The following ECT2 variants were observed in gnomAD, a reference collection of about 807,000 sequenced individuals.
ECT2 encodes protein ECT2.
A neutral mutation model predicts 116.9 loss-of-function variants in ECT2; 61 were observed. That is an observed-to-expected ratio of 0.52 (90% CI 0.42 to 0.65). The LOEUF (loss-of-function observed/expected upper bound fraction) is 0.65. ECT2 is among the 30% of genes least tolerant of loss of function. The pLI, the probability that ECT2 is intolerant of heterozygous loss-of-function variation, is 0.00. For missense variants in ECT2, 937 were observed against 1,078.7 expected (o/e 0.87, Z 1.84); for synonymous variants, 358 against 346.4 (o/e 1.03, Z -0.37).
intron 15 of ECT2, among the ~76,000 whole-genome samples, chr3:172,782,685 C>G (rs1722914569): frequency 6.6e-6 from 1 of 152,144 alleles, no homozygotes; most frequent in Non-Finnish European, 1.5e-5. Flanking sequence ...CCTCTCCTTC[C>G]TCCTACCCTC....
At chr3:172,775,301 A>G (rs1172289418) in intron 14 of ECT2, among the ~76,000 whole-genome samples, 1 of 152,232 alleles carries the variant, frequency 6.6e-6, no homozygotes, top group East Asian at 1.9e-4. Context: ...GTTTTCAAAT[A>G]TATAAGATTG....
Position 172,786,537 on chromosome 3 carries a change from T to G in ECT2, c.1870T>G (p.Leu624Val), listed in dbSNP as rs1559983337. The G allele has an allele frequency of 6.2e-7, 1 of 1,611,214 alleles. No homozygotes were observed. The highest frequency in any genetic ancestry group is 8.5e-7 in the Non-Finnish European group (1 of 1,178,216). ...TADENPDKST[L>V]EKAIGSLKEV... ...TGATGAAAATCCAGACAAAAGCACTTTAGAAAAAGCTATTGGATCACTGAA... is the reference window on the plus strand; with the variant it reads ...TGATGAAAATCCAGACAAAAGCACTGTAGAAAAAGCTATTGGATCACTGAA... The change falls in exon 18 of 25, where the codon TTA (leucine) becomes GTA (valine). Residue 624 changes from leucine to valine, a missense_variant. By Grantham distance (32) the Leu-to-Val change is conservative (BLOSUM62 1). Transcript: ENST00000392692.
At chr3:172,780,742 A>T (rs995249337) in intron 14 of ECT2, among the ~76,000 whole-genome samples, 1 of 152,152 alleles carries the variant, frequency 6.6e-6, no homozygotes, top group Admixed American at 6.5e-5. Flanking sequence ...CTTAAATTAT[A>T]ACCATCCTAG....
At chr3:172,822,607 A>G (rs1443455638), downstream of ECT2, among the ~76,000 whole-genome samples, 1 of 152,014 alleles carries the variant, frequency 6.6e-6, no homozygotes, top group African/African-American at 2.4e-5. Context: ...TGAGGAGAGT[A>G]AAGAGATGAA....
chr3:172,806,126 T>G, intron 21 of ECT2: 1 of 291,384 alleles, frequency 3.4e-6, no homozygotes, highest in East Asian at 5.9e-5. Context: ...AGCTTTTAAA[T>G]GGCTATGTAT....
intron 24 of ECT2, chr3:172,818,601 T>C (rs1730175123): frequency 7.8e-7 from 1 of 1,288,060 alleles, no homozygotes; most frequent in African/African-American, 1.5e-5. Context: ...AGCATGTTTA[T>C]GTTCAGCGCC....
intron 22 of ECT2, among the ~76,000 whole-genome samples, chr3:172,808,620 A>G (rs1207189670): frequency 1.3e-5 from 2 of 152,194 alleles, no homozygotes; most frequent in Non-Finnish European, 2.9e-5. Context: ...CTCTCTATAT[A>G]TGAGAGAGAC....
At chr3:172,767,416 G>C (rs1387770391) in intron 12 of ECT2, among the ~76,000 whole-genome samples, 1 of 152,106 alleles carries the variant, frequency 6.6e-6, no homozygotes, top group East Asian at 1.9e-4. Flanking sequence ...ACTCCAGCCT[G>C]GGGGACAGAG....
chr3:172,754,574 G>A lies in ECT2; in HGVS notation c.44G>A (p.Ser15Asn). The A allele has an allele frequency of 6.2e-7, 1 of 1,611,768 alleles. No homozygotes were observed. The highest frequency in any genetic ancestry group is 8.5e-7 in the Non-Finnish European group (1 of 1,178,810). The change falls in exon 2 of 25, where the codon AGC becomes AAC. Residue 15 changes from serine (S) to asparagine (N), a missense_variant. Transcript: ENST00000392692. ...SVLTSTTGRT[S>N]LADSSIFDSK... is the part of the protein sequence containing the mutation. Reference sequence around the variant, plus strand: ...TTAACATCCACTACTGGGAGGACTAGCTTGGCAGACTCTTCCATTTTTGAT... The same window carrying A: ...TTAACATCCACTACTGGGAGGACTAACTTGGCAGACTCTTCCATTTTTGAT...
chr3:172,757,032 G>T lies in ECT2; in HGVS notation c.353G>T (p.Gly118Val). The T allele has an allele frequency of 1.2e-6, 2 of 1,610,672 alleles. No individual in the cohort carries two copies. The highest frequency in any genetic ancestry group is 2.2e-5 in the South Asian group (2 of 90,322). The change falls in exon 5 of 25, where the codon GGT (glycine) becomes GTT (valine). Residue 118 changes from glycine (G) to valine (V), a missense_variant. By Grantham distance (109) the Gly-to-Val change is moderately radical. Coordinates refer to ENST00000392692, the MANE Select transcript of ECT2 (RefSeq NM_001258315.2). ...ATGGAGTCAGTGGAAGAATTTGAAGGTTTGGATTCTCCGGAATTTGAAAAT... is the reference window on the plus strand; with the variant it reads ...ATGGAGTCAGTGGAAGAATTTGAAGTTTTGGATTCTCCGGAATTTGAAAAT... ...VKMESVEEFE[G>V]LDSPEFENVF...
chr3:172,780,052 C>T (rs1269815581), intron 14 of ECT2, among the ~76,000 whole-genome samples: 3 of 152,106 alleles, frequency 2.0e-5, no homozygotes, highest in East Asian at 3.8e-4. Flanking sequence ...CTACACCCAG[C>T]CATAGGCAAC....
chr3:172,819,748 G>A (rs1730421772), intron 24 of ECT2, among the ~76,000 whole-genome samples: 4 of 152,092 alleles, frequency 2.6e-5, no homozygotes, highest in Admixed American at 2.6e-4. Context: ...TTCCCATGAA[G>A]TGATTTCATT....
intron 17 of ECT2, among the ~76,000 whole-genome samples, chr3:172,785,488 C>T (rs1423906042): frequency 1.4e-5 from 2 of 148,146 alleles, no homozygotes; most frequent in African/African-American, 2.5e-5. Flanking sequence ...GCCTGGGCAA[C>T]ATTCAGGGAC....
chr3:172,807,708 G>T (rs878933111), intron 21 of ECT2, 62 bp from the exon 22 acceptor site: 2 of 1,533,906 alleles, frequency 1.3e-6, no homozygotes, highest in South Asian at 1.3e-5. Context: ...AACTAAACTT[G>T]CATACATCTG....
intron 1 of ECT2, among the ~76,000 whole-genome samples, chr3:172,752,803 C>G (rs967258811): frequency 6.6e-6 from 1 of 152,156 alleles, no homozygotes; most frequent in African/African-American, 2.4e-5. Flanking sequence ...AGTTGTAGTA[C>G]TATGTGTGTT....
At chr3:172,824,013 G>T, downstream of ECT2, among the ~76,000 whole-genome samples, 1 of 146,026 alleles carries the variant, frequency 6.8e-6, no homozygotes, top group African/African-American at 2.5e-5. Context: ...TGTTCCTTCC[G>T]CTGCTTTTCT....
intron 13 of ECT2, among the ~76,000 whole-genome samples, chr3:172,773,625 C>T (rs1434359643): frequency 6.6e-6 from 1 of 152,126 alleles, no homozygotes; most frequent in Non-Finnish European, 1.5e-5. Context: ...TTGTATCATA[C>T]TAACAATTTT....
rs148727436 is a variant in ECT2 at position 172,789,669 on chromosome 3, T to G, written c.1907+3095T>G. Among the ~76,000 whole-genome samples, 220 of 152,360 alleles carry G rather than the reference T, an allele frequency of 1.4e-3. 2 individuals carry two copies. The East Asian group carries it at 0.029, about 20-fold the overall frequency. ...TAGATTTTGACACCACGTTATCAAC[T>G]AAGTGTCTGTAGTATTCTAAATCCT... On this transcript the variant is annotated intron_variant, in intron 18 of 24. Coordinates refer to ENST00000392692, the MANE Select transcript of ECT2 (RefSeq NM_001258315.2).
intron 18 of ECT2, among the ~76,000 whole-genome samples, chr3:172,802,037 TAAAGA>T (rs1431957273): frequency 6.6e-6 from 1 of 152,156 alleles, no homozygotes. Context: ...GGGAGTATAG[TAAAGA>T]ATATAGAAAG....
Sources: allele counts gnomAD v4.1 joint callset (sites outside exome capture counted in the v4.1 genomes callset), GRCh38; gene constraint gnomAD v4.1.1; transcripts MANE v1.5; gene names NCBI Gene and HGNC (gene_info 2026-07-23, HGNC 2026-07-21).